PKHD1L1: variants seen among roughly 807,000 people sequenced by gnomAD.
PKHD1L1 encodes fibrocystin-L.
In PKHD1L1, 434 loss-of-function variants were observed where a neutral mutation model predicts 462.9. The ratio of observed to expected loss-of-function variants is 0.94; its 90% CI spans 0.87 to 1.02. The LOEUF is 1.02. PKHD1L1 is among the 50% of genes least tolerant of loss of function. The pLI, the probability that PKHD1L1 is intolerant of heterozygous loss-of-function variation, is 0.00. For synonymous variants in PKHD1L1, 1,781 were observed against 1,750.0 expected (o/e 1.02, Z -0.44); for missense variants, 5,202 against 5,096.1 (o/e 1.02, Z -0.63).
intron 71 of PKHD1L1, among the ~76,000 whole-genome samples, chr8:109,512,232 G>T (rs1820029106): frequency 6.6e-6 from 1 of 151,986 alleles, no homozygotes; most frequent in South Asian, 2.1e-4. Flanking sequence ...GGCTTTTGTT[G>T]CCATTGCTTT....
intron 50 of PKHD1L1, chr8:109,470,033 T>C (rs1021008258): frequency 2.6e-6 from 1 of 385,728 alleles, no homozygotes; most frequent in Non-Finnish European, 4.6e-6. Context: ...ACATTAGTAC[T>C]TTATTAAAAC....
Position 109,508,116 on chromosome 8 carries a change from C to A in PKHD1L1, c.11247C>A (p.Thr3749=). The A allele has an allele frequency of 6.2e-7, 1 of 1,607,316 alleles. No homozygotes were observed. The highest frequency in any genetic ancestry group is 8.5e-7 in the Non-Finnish European group (1 of 1,177,664). Residue 3749 remains threonine, a synonymous_variant, in exon 70 of 78, where the codon ACC becomes ACA. Transcript: ENST00000378402. ...TTCTAGGAATTATTAGAGATTCAAC[C>A]TGTAAGTACCTTCCAGAGTGGCAGA... ...APHKGIIRDS[T]CKYLPEWQSY... is the part of the protein sequence containing the mutation.
chr8:109,498,972 A>G (rs1819266090), intron 67 of PKHD1L1: 1 of 527,858 alleles, frequency 1.9e-6, no homozygotes, highest in African/African-American at 1.9e-5. Flanking sequence ...TATGTTGAAG[A>G]ATTGATGTTA....
intron 19 of PKHD1L1, among the ~76,000 whole-genome samples, chr8:109,411,508 G>A (rs559160018): frequency 1.6e-4 from 24 of 152,148 alleles, no homozygotes; most frequent in African/African-American, 4.8e-4. Flanking sequence ...TATTTTGAAC[G>A]TAGTACTAGC....
chr8:109,487,890 G>GAGAGGAAGGA (rs1818620894), intron 59 of PKHD1L1, among the ~76,000 whole-genome samples: 3 of 69,324 alleles, frequency 4.3e-5, no homozygotes, highest in East Asian at 7.1e-4. Context: ...GAGAGAGAGA[G>GAGAGGAAGGA]AGGAAGGAAG....
intron 35 of PKHD1L1, 82 bp from the exon 36 acceptor site, chr8:109,442,864 A>G: frequency 2.1e-5 from 27 of 1,312,908 alleles, no homozygotes; most frequent in Non-Finnish European, 2.9e-5. Context: ...CATTTAAATG[A>G]TCATTTCAAA....
intron 76 of PKHD1L1, among the ~76,000 whole-genome samples, chr8:109,525,214 G>C (rs1221830819): frequency 2.0e-5 from 3 of 152,088 alleles, no homozygotes; most frequent in Admixed American, 6.6e-5. Flanking sequence ...AGCAAAGCAG[G>C]GTACTTGGGT....
At chr8:109,485,219 A>T in intron 58 of PKHD1L1, 46 bp downstream of exon 58, 2 of 1,405,952 alleles carry the variant, frequency 1.4e-6, no homozygotes, top group South Asian at 2.9e-5. Context: ...TTGTGTTGAA[A>T]GATTCACATT....
Position 109,445,259 on chromosome 8 carries a change from A to G in PKHD1L1, c.5390A>G (p.Asn1797Ser). Residue 1797 changes from asparagine to serine, a missense_variant, in exon 38 of 78, where the codon AAC becomes AGC. Coordinates refer to ENST00000378402, the MANE Select transcript of PKHD1L1 (RefSeq NM_177531.6). ...QFRAIEVNENNITALVTPLPV... is the reference protein window; with the variant it reads ...QFRAIEVNENSITALVTPLPV... ...AGAGCAATAGAGGTTAATGAAAACA[A>G]CATCACTGCTCTTGTGACTCCTCTC... 2.5e-6 allele frequency: 4 copies of G among 1,614,024 alleles called. No homozygotes were observed. Among genetic ancestry groups the G allele is most frequent in the East Asian group, 2.2e-5 (1 of 44,882 alleles).
intron 32 of PKHD1L1, among the ~76,000 whole-genome samples, chr8:109,440,341 T>G (rs1275941510): frequency 6.6e-6 from 1 of 152,096 alleles, no homozygotes; most frequent in African/African-American, 2.4e-5. Context: ...TAATTGCTAG[T>G]TTTAAAGCAG....
chr8:109,383,245 C>A (rs1215011668), intron 4 of PKHD1L1, among the ~76,000 whole-genome samples: 6 of 75,736 alleles, frequency 7.9e-5, no homozygotes, highest in South Asian at 3.3e-4. Context: ...TTATATATAA[C>A]ATATATAATA....
intron 9 of PKHD1L1, among the ~76,000 whole-genome samples, chr8:109,392,673 T>C (rs527734940): frequency 6.6e-6 from 1 of 152,220 alleles, no homozygotes; most frequent in Non-Finnish European, 1.5e-5. Flanking sequence ...TAAGATTACC[T>C]AAAAAGATAA....
Position 109,508,254 on chromosome 8 carries a change from T to C in PKHD1L1, c.11385T>C (p.Asp3795=), listed in dbSNP as rs1014909055. 6.2e-7 allele frequency: 1 copy of C among 1,605,496 alleles called. No individual in the cohort carries two copies. The highest frequency in any genetic ancestry group is 8.5e-7 in the Non-Finnish European group (1 of 1,177,076). ...PVAIMGNGYV[D]LINGPQDHGW... is the part of the protein sequence containing the mutation. ...CTATAATGGGCAACGGTTATGTTGA[T>C]CTTATTAATGGTAGGTATTCAATAT... The change falls in exon 70 of 78, where the codon GAT becomes GAC. Residue 3795 remains aspartate (D), a synonymous_variant. Transcript: ENST00000378402.
chr8:109,404,196 A>T (rs571429339), intron 14 of PKHD1L1, among the ~76,000 whole-genome samples: 4 of 152,310 alleles, frequency 2.6e-5, no homozygotes, highest in African/African-American at 9.6e-5. Context: ...TCTTGAACAC[A>T]TTAAAATATT....
At chr8:109,422,440 G>A (rs1425393458) in intron 23 of PKHD1L1, among the ~76,000 whole-genome samples, 3 of 152,116 alleles carry the variant, frequency 2.0e-5, no homozygotes, top group African/African-American at 7.2e-5. Flanking sequence ...TTTCAAGAAT[G>A]CTACAAAAAT....
intron 27 of PKHD1L1, among the ~76,000 whole-genome samples, chr8:109,430,713 G>A (rs1229993458): frequency 6.6e-6 from 1 of 152,016 alleles, no homozygotes; most frequent in Non-Finnish European, 1.5e-5. Flanking sequence ...AGTCTTGGTG[G>A]ATAGTAGGAA....
intron 2 of PKHD1L1, among the ~76,000 whole-genome samples, chr8:109,373,945 G>A (rs952708966): frequency 3.3e-5 from 5 of 152,156 alleles, no homozygotes. Flanking sequence ...TTTTGGAATA[G>A]GTGTGGTGTG....
chr8:109,433,562 T>C (rs998129833), intron 28 of PKHD1L1, among the ~76,000 whole-genome samples: 9 of 152,326 alleles, frequency 5.9e-5, no homozygotes, highest in Middle Eastern at 3.4e-3. Context: ...TCCATGGTCC[T>C]GTCTGCCCAT....
intron 44 of PKHD1L1, 44 bp from the exon 45 acceptor site, chr8:109,454,679 T>C: frequency 6.2e-7 from 1 of 1,602,148 alleles, no homozygotes; most frequent in Non-Finnish European, 8.5e-7. Context: ...ATTGTGGATT[T>C]GGGGTTTTAA....
Sources: gnomAD v4.1 joint callset for allele counts (sites outside exome capture counted in the v4.1 genomes callset) on GRCh38, gnomAD v4.1.1 for gene constraint, MANE v1.5 for transcripts, NCBI Gene and HGNC (gene_info 2026-07-23, HGNC 2026-07-21) for gene names.